NME7: variants seen among roughly 807,000 people sequenced by gnomAD.
NME7 encodes the protein NME/NM23 family member 7.
NME7 carries 41 observed loss-of-function variants against 49.1 expected under a neutral mutation model. The observed-to-expected ratio is 0.83, with a 90% CI of 0.65 to 1.08. The LOEUF (loss-of-function observed/expected upper bound fraction) is 1.08, where lower values mean the gene tolerates loss of function less well. Among genes scored for constraint, NME7 ranks in the 50% least tolerant of loss-of-function variants. The pLI, the probability that NME7 is intolerant of heterozygous loss-of-function variation, is 0.00. For missense variants in NME7, 423 were observed against 463.4 expected (o/e 0.91, Z 0.80); for synonymous variants, 139 against 150.6 (o/e 0.92, Z 0.56).
intron 11 of NME7, among the ~76,000 whole-genome samples, chr1:169,134,448 A>G (rs1411427649): frequency 1.3e-5 from 2 of 152,176 alleles, no homozygotes; most frequent in Non-Finnish European, 2.9e-5. Flanking sequence ...TTCCTTACAC[A>G]ATATAAAGGG....
At chr1:169,317,038 T>C (rs1479890480) in intron 3 of NME7, among the ~76,000 whole-genome samples, 1 of 150,926 alleles carries the variant, frequency 6.6e-6, no homozygotes, top group Non-Finnish European at 1.5e-5. Flanking sequence ...TAGAAACATA[T>C]ACAAAAATAA....
chr1:169,354,817 AAT>A (rs1040883437), intron 1 of NME7, among the ~76,000 whole-genome samples: 48 of 136,984 alleles, frequency 3.5e-4, no homozygotes, highest in Admixed American at 1.8e-3. Context: ...TAATAGATAT[AAT>A]ATATATAATA....
chr1:169,269,283 T>G (rs1009126664), intron 7 of NME7, among the ~76,000 whole-genome samples: 4 of 133,834 alleles, frequency 3.0e-5, no homozygotes, highest in African/African-American at 1.0e-4. Context: ...GGTCCTAACA[T>G]GTAGTTCAGT....
At chr1:169,317,374 C>T (rs979694144) in intron 3 of NME7, among the ~76,000 whole-genome samples, 1 of 152,082 alleles carries the variant, frequency 6.6e-6, no homozygotes, top group Non-Finnish European at 1.5e-5. Flanking sequence ...ATCAATTTCT[C>T]CCTGGGAATT....
chr1:169,319,941 T>C (rs534216868), intron 3 of NME7, among the ~76,000 whole-genome samples: 1 of 152,348 alleles, frequency 6.6e-6, no homozygotes, highest in East Asian at 1.9e-4. Flanking sequence ...TTATTTTTCA[T>C]TGATTTTTAT....
At chr1:169,254,506 A>G (rs1471841385) in intron 7 of NME7, among the ~76,000 whole-genome samples, 6 of 151,726 alleles carry the variant, frequency 4.0e-5, no homozygotes, top group Non-Finnish European at 8.8e-5. Flanking sequence ...GATCCTTTCA[A>G]AAAACCAGCT....
At chr1:169,233,439 G>A (rs1387603392) in intron 9 of NME7, among the ~76,000 whole-genome samples, 3 of 152,130 alleles carry the variant, frequency 2.0e-5, no homozygotes, top group African/African-American at 7.2e-5. Flanking sequence ...GGAGCTGAGT[G>A]AGACTACGGG....
At chr1:169,287,268 A>C in intron 7 of NME7, 35 bp downstream of exon 7, 1 of 1,435,596 alleles carries the variant, frequency 7.0e-7, no homozygotes, top group Non-Finnish European at 9.8e-7. Context: ...CTCTCCTATT[A>C]ACAAAATGTA....
chr1:169,132,909 A>G, intron 11 of NME7, 92 bp from the exon 12 acceptor site: 1 of 873,038 alleles, frequency 1.1e-6, no homozygotes, highest in Non-Finnish European at 1.9e-6. Context: ...GACTTCAGAC[A>G]CTGGCATACC....
intron 3 of NME7, among the ~76,000 whole-genome samples, chr1:169,320,344 T>C (rs1272017374): frequency 1.3e-5 from 2 of 152,202 alleles, no homozygotes; most frequent in Admixed American, 6.5e-5. Flanking sequence ...AGCTAGTTCA[T>C]GAGTTAAGCT....
chr1:169,240,962 C>A (rs1648064586), intron 7 of NME7, among the ~76,000 whole-genome samples: 1 of 152,008 alleles, frequency 6.6e-6, no homozygotes, highest in South Asian at 2.1e-4. Context: ...AAAGACAACG[C>A]CTGCCAAATA....
Position 169,133,363 on chromosome 1 carries a change from C to T in NME7, c.1099-546G>A, listed in dbSNP as rs80269748. The stretch of plus-strand genomic sequence containing the variant: ...TTGTATTTCTGAAACGGAAACCTTT[C>T]GCAAAGCCTGTGCAGGCAGAGGAGC... On this transcript the variant is annotated intron_variant, in intron 11 of 11. Transcript: ENST00000367811. Among the ~76,000 whole-genome samples, 956 of 152,316 alleles carry T rather than the reference C, an allele frequency of 6.3e-3. 10 individuals are homozygous for T. Among genetic ancestry groups the T allele is most frequent in the African/African-American group, 0.022 (898 of 41,552 alleles).
chr1:169,322,758 C>A (rs1366905455), intron 3 of NME7, among the ~76,000 whole-genome samples: 1 of 151,686 alleles, frequency 6.6e-6, no homozygotes, highest in Non-Finnish European at 1.5e-5. Context: ...ACCTCCTGGT[C>A]AACTAGATCA....
intron 10 of NME7, among the ~76,000 whole-genome samples, chr1:169,200,379 T>A (rs1358116938): frequency 6.6e-6 from 1 of 152,130 alleles, no homozygotes; most frequent in African/African-American, 2.4e-5. Context: ...TTAGAATTGC[T>A]TGGAGCATAG....
chr1:169,237,816 A>C, intron 7 of NME7, 129 bp from the exon 8 acceptor site: 1 of 622,534 alleles, frequency 1.6e-6, no homozygotes, highest in East Asian at 2.8e-5. Flanking sequence ...CATATTTTGC[A>C]AGAGAAACTA....
chr1:169,199,255 G>A (rs868508233), intron 10 of NME7, among the ~76,000 whole-genome samples: 11 of 151,822 alleles, frequency 7.2e-5, no homozygotes, highest in Admixed American at 2.0e-4. Flanking sequence ...TATTCACTAT[G>A]TTCTAGAAAG....
In NME7 at chr1:169,206,870, A is replaced by G. The variant is rs201472758; in HGVS notation, c.990+23848T>C. ...TGGTTGCTAAGTTAACTACTATATT[A>G]ACACATAGCTATAACAGTGATTAGT... is the stretch of plus-strand genomic sequence containing the variant. On this transcript the variant is annotated intron_variant, in intron 10 of 11. Coordinates refer to ENST00000367811, the MANE Select transcript of NME7 (RefSeq NM_013330.5). Among the ~76,000 whole-genome samples, 340 of 127,380 alleles carry G rather than the reference A, an allele frequency of 2.7e-3. 3 individuals carry two copies. Among genetic ancestry groups the G allele is most frequent in the African/African-American group, 4.3e-3 (162 of 37,772 alleles). The allele number at this position is 127,380 out of a possible 152,430, so 83.6% of individuals were successfully genotyped here.
intron 3 of NME7, among the ~76,000 whole-genome samples, chr1:169,313,925 A>T (rs1651509393): frequency 6.6e-6 from 1 of 152,204 alleles, no homozygotes. Context: ...TGATGAAAAT[A>T]CAATAATGAA....
chr1:169,204,454 T>C (rs1433839211), intron 10 of NME7, among the ~76,000 whole-genome samples: 3 of 152,082 alleles, frequency 2.0e-5, no homozygotes, highest in Non-Finnish European at 4.4e-5. Context: ...TGTCTACTAT[T>C]ATACTATATC....
Sources: allele counts gnomAD v4.1 joint callset (sites outside exome capture counted in the v4.1 genomes callset), GRCh38; gene constraint gnomAD v4.1.1; transcripts MANE v1.5; gene names NCBI Gene and HGNC (gene_info 2026-07-23, HGNC 2026-07-21).